Variants in GNG4 observed in about 807,000 individuals in gnomAD.
GNG4 encodes G protein subunit gamma 4.
Under a neutral mutation model 5.8 loss-of-function variants are expected in GNG4, and 4 were observed. The observed-to-expected ratio is 0.69, with a 90% CI of 0.34 to 1.57. The LOEUF (loss-of-function observed/expected upper bound fraction) is 1.57. Among genes scored for constraint, GNG4 ranks in the 40% most tolerant of loss-of-function variants. The pLI is 0.06. For synonymous variants in GNG4, 29 were observed against 32.9 expected, an observed-to-expected ratio of 0.88 and a Z score of 0.41; for missense variants, 96 against 95.1, an observed-to-expected ratio of 1.01 and a Z score of -0.04.
intron 3 of GNG4, chr1:235,566,070 A>C (rs1328998055): frequency 1.3e-5 from 2 of 152,266 alleles, no homozygotes; most frequent in Non-Finnish European, 2.9e-5. Context: ...ATTGACCCAG[A>C]AACTATAACT....
chr1:235,613,258 C>G (rs1688519110), intron 1 of GNG4, among the ~76,000 whole-genome samples: 1 of 152,128 alleles, frequency 6.6e-6, no homozygotes, highest in Admixed American at 6.5e-5. Flanking sequence ...CCATTTTTAC[C>G]ATAAGCAATG....
At chr1:235,561,740 C>T (rs776636174) in intron 3 of GNG4, among the ~76,000 whole-genome samples, 12 of 152,210 alleles carry the variant, frequency 7.9e-5, no homozygotes, top group Non-Finnish European at 1.0e-4. Context: ...ATGTGTTTGA[C>T]AAATATTTTC....
intron 3 of GNG4, among the ~76,000 whole-genome samples, chr1:235,558,004 C>T (rs74148704): frequency 0.012 from 1,756 of 152,260 alleles, 32 homozygotes; most frequent in African/African-American, 0.038. Flanking sequence ...TGCAAGAAAA[C>T]GAGTTGTTCT....
At chr1:235,619,810 T>G (rs1688669258) in intron 1 of GNG4, among the ~76,000 whole-genome samples, 1 of 152,216 alleles carries the variant, frequency 6.6e-6, no homozygotes, top group African/African-American at 2.4e-5. Context: ...TTTCCCTAAC[T>G]CACATCGATG....
At chr1:235,608,093 A>C (rs1688401615) in intron 1 of GNG4, among the ~76,000 whole-genome samples, 1 of 152,136 alleles carries the variant, frequency 6.6e-6, no homozygotes, top group Non-Finnish European at 1.5e-5. Context: ...GCACGCCACC[A>C]TGCCCAGCTA....
intron 2 of GNG4, among the ~76,000 whole-genome samples, chr1:235,587,970 G>A (rs946878133): frequency 6.6e-5 from 10 of 151,764 alleles, no homozygotes; most frequent in African/African-American, 1.9e-4. Context: ...GTCATGTGGC[G>A]GGGAGGGAAC....
In GNG4 at chr1:235,583,848, C is replaced by G. The variant is rs930475838; in HGVS notation, c.-10G>C. 1 of 1,596,830 alleles carries G rather than the reference C, an allele frequency of 6.3e-7. No individual in the cohort carries two copies. The highest frequency in any genetic ancestry group is 1.3e-5 in the African/African-American group (1 of 74,682). On this transcript the variant is annotated splice_region_variant and 5_prime_UTR_variant, in exon 3 of 4. Coordinates refer to ENST00000391854, the MANE Select transcript of GNG4 (RefSeq NM_001098722.2). ...ACATGCCCTCTTTCATTCTACTGCC[C>G]CTAGAAGTAACCAAAGTAAAAGGGT...
intron 3 of GNG4, 117 bp from the exon 4 acceptor site, chr1:235,552,354 G>A (rs1342271364): frequency 7.7e-6 from 7 of 907,380 alleles, no homozygotes; most frequent in Admixed American, 2.1e-5. Flanking sequence ...TTGTGTGCAC[G>A]GCCTACAACA....
At chr1:235,629,186 TA>T (rs144347983) in intron 1 of GNG4, among the ~76,000 whole-genome samples, 25 of 147,868 alleles carry the variant, frequency 1.7e-4, no homozygotes, top group South Asian at 2.1e-4. Flanking sequence ...CCCCGCCAAT[TA>T]AAAAAAAAAT....
At chr1:235,630,485 C>T (rs1448387124) in intron 1 of GNG4, among the ~76,000 whole-genome samples, 1 of 152,170 alleles carries the variant, frequency 6.6e-6, no homozygotes, top group Non-Finnish European at 1.5e-5. Flanking sequence ...CAGCAACAGC[C>T]GGGTGTTTTG....
intron 1 of GNG4, among the ~76,000 whole-genome samples, chr1:235,613,116 T>TG (rs201000139): frequency 0.012 from 1,798 of 146,742 alleles, 39 homozygotes; most frequent in African/African-American, 0.042. Context: ...TTTGGAGGGG[T>TG]GGGGGGGTCA....
chr1:235,626,146 TCTC>T (rs1225906218), intron 1 of GNG4, among the ~76,000 whole-genome samples: 1 of 152,318 alleles, frequency 6.6e-6, no homozygotes, highest in East Asian at 1.9e-4. Context: ...TGTAGTGGTT[TCTC>T]CTCCTTTTCA....
chr1:235,610,820 C>A (rs1035397626), intron 1 of GNG4, among the ~76,000 whole-genome samples: 1 of 152,304 alleles, frequency 6.6e-6, no homozygotes, highest in East Asian at 1.9e-4. Context: ...CGTGGTGGCT[C>A]ACTCCTGTAA....
chr1:235,591,636 C>T (rs919325372), intron 2 of GNG4, among the ~76,000 whole-genome samples: 9 of 152,166 alleles, frequency 5.9e-5, no homozygotes, highest in Non-Finnish European at 1.3e-4. Context: ...CCCACCTGGA[C>T]CCAAGAAGAA....
chr1:235,572,374 A>G (rs1687366856), intron 3 of GNG4, among the ~76,000 whole-genome samples: 1 of 151,898 alleles, frequency 6.6e-6, no homozygotes, highest in African/African-American at 2.4e-5. Flanking sequence ...TAATTTTCAT[A>G]TTCTTAGTAG....
chr1:235,639,926 A>T (rs1364608618), intron 1 of GNG4, among the ~76,000 whole-genome samples: 1 of 152,166 alleles, frequency 6.6e-6, no homozygotes, highest in Non-Finnish European at 1.5e-5. Flanking sequence ...CAGCTGTCAA[A>T]TGTCTCCTGG....
At chr1:235,616,921 TTTTTTC>T (rs1324462114) in intron 1 of GNG4, among the ~76,000 whole-genome samples, 1 of 136,576 alleles carries the variant, frequency 7.3e-6, no homozygotes, top group Non-Finnish European at 1.5e-5. Flanking sequence ...TTTTTTTTTT[TTTTTTC>T]AGTAGAGATG....
chr1:235,586,765 C>T (rs916498809), intron 2 of GNG4, among the ~76,000 whole-genome samples: 6 of 152,216 alleles, frequency 3.9e-5, no homozygotes, highest in African/African-American at 1.2e-4. Flanking sequence ...TGAGTGGAAG[C>T]TTCCTGAGGC....
intron 3 of GNG4, among the ~76,000 whole-genome samples, chr1:235,562,468 G>A (rs969520753): frequency 2.6e-5 from 4 of 151,762 alleles, no homozygotes; most frequent in Admixed American, 6.6e-5. Flanking sequence ...CCAATATGGC[G>A]AAACCCCATC....
Sources: gnomAD v4.1 joint callset for allele counts (sites outside exome capture counted in the v4.1 genomes callset) on GRCh38, gnomAD v4.1.1 for gene constraint, MANE v1.5 for transcripts, NCBI Gene and HGNC (gene_info 2026-07-23, HGNC 2026-07-21) for gene names.